UBE2E2: variants seen among roughly 807,000 people sequenced by gnomAD.
UBE2E2 encodes ubiquitin conjugating enzyme E2 E2, also known as ubiquitin-conjugating enzyme E2 E2.
A neutral mutation model predicts 24.7 loss-of-function variants in UBE2E2; 6 were observed. That is an observed-to-expected ratio of 0.24 (90% confidence interval 0.13 to 0.48). The LOEUF is 0.48. UBE2E2 is among the 20% of genes least tolerant of loss of function. The pLI, the probability that UBE2E2 is intolerant of heterozygous loss-of-function variation, is 0.99. For missense variants in UBE2E2, 169 were observed against 245.0 expected (o/e 0.69, Z 2.07); for synonymous variants, 104 against 83.6 (o/e 1.24, Z -1.33).
intron 3 of UBE2E2, among the ~76,000 whole-genome samples, chr3:23,242,109 T>A (rs934312527): frequency 6.6e-6 from 1 of 151,732 alleles, no homozygotes; most frequent in South Asian, 2.1e-4. Context: ...AGAGATGGAG[T>A]CTTGCTGTGT....
chr3:23,363,660 G>T (rs1334549658), intron 3 of UBE2E2, among the ~76,000 whole-genome samples: 1 of 152,144 alleles, frequency 6.6e-6, no homozygotes, highest in Non-Finnish European at 1.5e-5. Flanking sequence ...AGTTCTTACA[G>T]ACCTATGAAG....
chr3:23,433,359 C>A (rs573849059), intron 3 of UBE2E2, among the ~76,000 whole-genome samples: 1 of 151,340 alleles, frequency 6.6e-6, no homozygotes, highest in East Asian at 1.9e-4. Flanking sequence ...GTATGTAAAA[C>A]TGAATTTTGT....
chr3:23,465,514 A>C (rs1359163297), intron 3 of UBE2E2, among the ~76,000 whole-genome samples: 2 of 152,234 alleles, frequency 1.3e-5, no homozygotes, highest in Non-Finnish European at 2.9e-5. Context: ...TCATTACCTG[A>C]CTTGAATGCA....
chr3:23,294,141 G>C (rs998699552), intron 3 of UBE2E2, among the ~76,000 whole-genome samples: 1 of 152,148 alleles, frequency 6.6e-6, no homozygotes, highest in Admixed American at 6.5e-5. Context: ...TAATTGTGTA[G>C]TTATCTGATT....
intron 3 of UBE2E2, among the ~76,000 whole-genome samples, chr3:23,431,673 A>G (rs180923940): frequency 1.1e-4 from 16 of 152,336 alleles, no homozygotes; most frequent in African/African-American, 3.8e-4. Context: ...TTAAAAGTAC[A>G]AAATAGAACT....
chr3:23,513,443 A>G (rs114369328), intron 4 of UBE2E2, among the ~76,000 whole-genome samples: 136 of 152,172 alleles, frequency 8.9e-4, no homozygotes, highest in African/African-American at 2.9e-3. Context: ...CAAGTGTACC[A>G]TAAGTTTTCC....
chr3:23,364,864 A>G (rs1458101376), intron 3 of UBE2E2, among the ~76,000 whole-genome samples: 1 of 152,212 alleles, frequency 6.6e-6, no homozygotes, highest in African/African-American at 2.4e-5. Context: ...TAGAAGCAAA[A>G]GTCCCCAACA....
intron 3 of UBE2E2, among the ~76,000 whole-genome samples, chr3:23,238,599 T>A (rs1697178348): frequency 6.6e-6 from 1 of 152,180 alleles, no homozygotes; most frequent in Admixed American, 6.5e-5. Context: ...GTTGAGTATC[T>A]CTTACCTGAG....
chr3:23,553,657 T>C (rs1695704497), intron 5 of UBE2E2, among the ~76,000 whole-genome samples: 1 of 152,100 alleles, frequency 6.6e-6, no homozygotes, highest in Non-Finnish European at 1.5e-5. Context: ...GGAGGCTTTC[T>C]CAAAAGCCGT....
At chr3:23,261,963 T>C (rs977894538) in intron 3 of UBE2E2, among the ~76,000 whole-genome samples, 1 of 152,242 alleles carries the variant, frequency 6.6e-6, no homozygotes, top group African/African-American at 2.4e-5. Context: ...TTTGATATTC[T>C]GATTTCCATT....
Position 23,232,203 on chromosome 3 carries a change from C to G in UBE2E2, c.227+14891C>G, listed in dbSNP as rs544058337. 9.2e-5 allele frequency among the ~76,000 whole-genome samples: 14 copies of G among 152,340 alleles called. No homozygotes were observed. The South Asian group carries it at 2.7e-3, about 29-fold the overall frequency. On this transcript the variant is annotated intron_variant, in intron 3 of 5. Transcript: ENST00000396703. Reference sequence around the variant, plus strand: ...CCTGAAGCTGCCTAAGGGCTGCCAGCCAGCCATCAGTCTTGGCATACCAAA... The same window carrying G: ...CCTGAAGCTGCCTAAGGGCTGCCAGGCAGCCATCAGTCTTGGCATACCAAA...
At chr3:23,270,037 G>C (rs543105314) in intron 3 of UBE2E2, among the ~76,000 whole-genome samples, 1 of 152,050 alleles carries the variant, frequency 6.6e-6, no homozygotes, top group East Asian at 1.9e-4. Context: ...CCTGGTGCAG[G>C]CCCCGAGTAG....
At chr3:23,369,551 T>G (rs1336963139) in intron 3 of UBE2E2, among the ~76,000 whole-genome samples, 1 of 152,186 alleles carries the variant, frequency 6.6e-6, no homozygotes, top group Non-Finnish European at 1.5e-5. Flanking sequence ...TCTGTTGCTA[T>G]TTCTCACTCA....
intron 3 of UBE2E2, among the ~76,000 whole-genome samples, chr3:23,292,075 G>GTCTCGA (rs1177335147): frequency 6.6e-6 from 1 of 151,928 alleles, no homozygotes; most frequent in Non-Finnish European, 1.5e-5. Context: ...AACCAGGATG[G>GTCTCGA]TCTTGATCTC....
intron 5 of UBE2E2, among the ~76,000 whole-genome samples, chr3:23,551,421 C>T (rs1695640372): frequency 6.6e-6 from 1 of 152,164 alleles, no homozygotes. Context: ...GAATATTAAA[C>T]TGAAGAGAAA....
At chr3:23,366,953 A>G (rs920797866) in intron 3 of UBE2E2, among the ~76,000 whole-genome samples, 2 of 152,192 alleles carry the variant, frequency 1.3e-5, no homozygotes, top group African/African-American at 4.8e-5. Flanking sequence ...TGTATGTACA[A>G]TAGCACATAA....
At chr3:23,548,872 C>T (rs1224520680) in intron 5 of UBE2E2, among the ~76,000 whole-genome samples, 2 of 152,114 alleles carry the variant, frequency 1.3e-5, no homozygotes, top group Non-Finnish European at 2.9e-5. Flanking sequence ...CTTGGAATAT[C>T]CCTTTTCACT....
chr3:23,560,501 G>A (rs1038072432), intron 5 of UBE2E2, among the ~76,000 whole-genome samples: 55 of 151,866 alleles, frequency 3.6e-4, no homozygotes, highest in African/African-American at 1.3e-3. Context: ...AGTCTTTGCT[G>A]TTGTGAGTAG....
chr3:23,493,738 C>A (rs1165409030), intron 3 of UBE2E2, among the ~76,000 whole-genome samples: 2 of 152,140 alleles, frequency 1.3e-5, no homozygotes, highest in African/African-American at 4.8e-5. Flanking sequence ...TCTAAATATA[C>A]ATCATAAGAT....
Sources: gnomAD v4.1 joint callset for allele counts (sites outside exome capture counted in the v4.1 genomes callset) on GRCh38, gnomAD v4.1.1 for gene constraint, MANE v1.5 for transcripts, NCBI Gene and HGNC (gene_info 2026-07-23, HGNC 2026-07-21) for gene names.